MYO1B: variants seen among roughly 807,000 people sequenced by gnomAD.
MYO1B encodes the protein unconventional myosin-Ib.
Under a neutral mutation model 159.7 loss-of-function variants are expected in MYO1B, and 72 were observed. That is an observed-to-expected ratio of 0.45 (90% confidence interval 0.37 to 0.55). The LOEUF (loss-of-function observed/expected upper bound fraction) is 0.55, where lower values mean the gene tolerates loss of function less well. Among genes scored for constraint, MYO1B ranks in the 20% least tolerant of loss-of-function variants. The pLI is 0.00. For synonymous variants in MYO1B, 468 were observed against 473.8 expected (o/e 0.99, Z 0.16); for missense variants, 1,062 against 1,364.8 (o/e 0.78, Z 3.50).
At chr2:191,421,630 C>T (rs901406103) in intron 30 of MYO1B, among the ~76,000 whole-genome samples, 5 of 152,096 alleles carry the variant, frequency 3.3e-5, no homozygotes, top group African/African-American at 9.7e-5. Flanking sequence ...CATGCACCAC[C>T]GTCCCTGGCT....
At chr2:191,408,724 T>G (rs1574634599) in intron 25 of MYO1B, among the ~76,000 whole-genome samples, 1 of 152,232 alleles carries the variant, frequency 6.6e-6, no homozygotes, top group Admixed American at 6.5e-5. Context: ...TTACTTAAAA[T>G]GTAAATATAA....
intron 23 of MYO1B, 158 bp from the exon 24 acceptor site, chr2:191,402,474 A>G: frequency 1.5e-6 from 1 of 660,180 alleles, no homozygotes; most frequent in Non-Finnish European, 2.7e-6. Context: ...CCAGCCTGAC[A>G]CCAATTCTTT....
chr2:191,402,479 T>G, intron 23 of MYO1B, 153 bp from the exon 24 acceptor site: 1 of 671,150 alleles, frequency 1.5e-6, no homozygotes, highest in Non-Finnish European at 2.6e-6. Flanking sequence ...CTGACACCAA[T>G]TCTTTGGGTT....
chr2:191,275,594 G>T (rs889919602), intron 1 of MYO1B, among the ~76,000 whole-genome samples: 2 of 152,140 alleles, frequency 1.3e-5, no homozygotes, highest in African/African-American at 4.8e-5. Context: ...TTTCAGTAAG[G>T]ACACCAACCT....
intron 1 of MYO1B, among the ~76,000 whole-genome samples, chr2:191,262,477 G>A (rs1004737816): frequency 8.5e-5 from 13 of 152,176 alleles, no homozygotes; most frequent in Admixed American, 7.9e-4. Flanking sequence ...CCTGTCATCT[G>A]TATGTAGTGG....
At chr2:191,370,369 A>T (rs1694283065) in intron 13 of MYO1B, 77 bp downstream of exon 13, 1 of 973,348 alleles carries the variant, frequency 1.0e-6, no homozygotes, top group Admixed American at 2.0e-5. Flanking sequence ...TTATGTAGAC[A>T]TTATAAGTAA....
chr2:191,373,494 A>T (rs911974119), intron 13 of MYO1B, among the ~76,000 whole-genome samples: 7 of 152,182 alleles, frequency 4.6e-5, no homozygotes, highest in Admixed American at 1.3e-4. Flanking sequence ...CCTACTGTTC[A>T]TCTGGGCATG....
intron 21 of MYO1B, among the ~76,000 whole-genome samples, chr2:191,399,663 C>T (rs759233256): frequency 9.2e-5 from 14 of 152,162 alleles, no homozygotes; most frequent in Non-Finnish European, 2.1e-4. Flanking sequence ...CGCTGGGTCC[C>T]GAGTCCAGCA....
At chr2:191,314,258 C>CT (rs1222376028) in intron 3 of MYO1B, among the ~76,000 whole-genome samples, 1 of 152,098 alleles carries the variant, frequency 6.6e-6, no homozygotes, top group Non-Finnish European at 1.5e-5. Flanking sequence ...TCTGTTGTTA[C>CT]TTTTTTTCTT....
chr2:191,407,443 C>T (rs773563905), intron 24 of MYO1B, among the ~76,000 whole-genome samples: 3 of 152,096 alleles, frequency 2.0e-5, no homozygotes, highest in Non-Finnish European at 4.4e-5. Context: ...ATTTGTTATA[C>T]AAACACTCCA....
At chr2:191,298,509 C>A (rs1431899949) in intron 3 of MYO1B, among the ~76,000 whole-genome samples, 3 of 152,148 alleles carry the variant, frequency 2.0e-5, no homozygotes, top group Non-Finnish European at 4.4e-5. Flanking sequence ...CTAGGTCTTA[C>A]TTCTCATAAG....
At chr2:191,359,444 A>C (rs1395206223) in intron 7 of MYO1B, among the ~76,000 whole-genome samples, 1 of 151,902 alleles carries the variant, frequency 6.6e-6, no homozygotes. Flanking sequence ...CCTGCGCCTA[A>C]TAATTTTTGT....
chr2:191,300,300 A>G (rs935063357), intron 3 of MYO1B, among the ~76,000 whole-genome samples: 2 of 151,750 alleles, frequency 1.3e-5, no homozygotes, highest in East Asian at 1.9e-4. Flanking sequence ...AACTTTGCCA[A>G]TTAACTTACC....
intron 15 of MYO1B, among the ~76,000 whole-genome samples, chr2:191,384,872 G>A (rs573830526): frequency 6.6e-6 from 1 of 152,292 alleles, no homozygotes; most frequent in African/African-American, 2.4e-5. Flanking sequence ...TAAAGGAAAT[G>A]TTTCCTTCCA....
intron 1 of MYO1B, among the ~76,000 whole-genome samples, chr2:191,255,265 G>T (rs762217434): frequency 6.6e-6 from 1 of 152,182 alleles, no homozygotes; most frequent in Non-Finnish European, 1.5e-5. Flanking sequence ...AACAGATGTG[G>T]TTTCTGCTCT....
intron 4 of MYO1B, among the ~76,000 whole-genome samples, chr2:191,340,750 G>A (rs1408839859): frequency 6.6e-6 from 1 of 151,248 alleles, no homozygotes; most frequent in Non-Finnish European, 1.5e-5. Flanking sequence ...TTTTGAGACA[G>A]AGTCTTGCTC....
chr2:191,336,916 G>A (rs928300588), intron 4 of MYO1B, among the ~76,000 whole-genome samples: 3 of 135,066 alleles, frequency 2.2e-5, no homozygotes, highest in African/African-American at 7.8e-5. Flanking sequence ...AAATGTGTAC[G>A]AATAAATGTA....
chr2:191,324,318 G>A (rs1334153238), intron 3 of MYO1B, among the ~76,000 whole-genome samples: 1 of 150,380 alleles, frequency 6.6e-6, no homozygotes, highest in African/African-American at 2.4e-5. Context: ...TTTTTTCTTT[G>A]TTTTTTGTTT....
intron 1 of MYO1B, among the ~76,000 whole-genome samples, chr2:191,261,271 T>G (rs114697281): frequency 0.021 from 3,200 of 152,330 alleles, 98 homozygotes; most frequent in African/African-American, 0.074. Context: ...AATTGTTGTT[T>G]CTATGAAAAT....
Sources: allele counts gnomAD v4.1 joint callset (sites outside exome capture counted in the v4.1 genomes callset), GRCh38; gene constraint gnomAD v4.1.1; transcripts MANE v1.5; gene names NCBI Gene and HGNC (gene_info 2026-07-23, HGNC 2026-07-21).